The following INTS4 variants were observed in gnomAD, a reference collection of about 807,000 sequenced individuals.
INTS4 encodes the protein integrator complex subunit 4, also known as MSTP093.
In INTS4, 70 loss-of-function variants were observed where a neutral mutation model predicts 119.5. The observed-to-expected ratio is 0.59, with a 90% CI of 0.48 to 0.71. The LOEUF (loss-of-function observed/expected upper bound fraction) is 0.71, where lower values mean the gene tolerates loss of function less well. INTS4 is among the 30% of genes least tolerant of loss of function. INTS4 has a pLI of 0.00. For synonymous variants in INTS4, 316 were observed against 419.6 expected (o/e 0.75, Z 3.02); for missense variants, 867 against 1,173.2 (o/e 0.74, Z 3.81).
intron 21 of INTS4, among the ~76,000 whole-genome samples, chr11:77,886,859 A>G (rs1451436325): frequency 6.6e-6 from 1 of 152,196 alleles, no homozygotes; most frequent in Non-Finnish European, 1.5e-5. Flanking sequence ...CTGGGTACAT[A>G]ACGAAATGAA....
intron 15 of INTS4, among the ~76,000 whole-genome samples, chr11:77,917,854 T>TA (rs1477424091): frequency 1.3e-5 from 2 of 151,818 alleles, no homozygotes; most frequent in Non-Finnish European, 2.9e-5. Flanking sequence ...TCCTGAGTAT[T>TA]AGAGTCATCG....
intron 10 of INTS4, 74 bp downstream of exon 10, chr11:77,938,577 G>GT (rs1953856369): frequency 6.5e-7 from 1 of 1,547,108 alleles, no homozygotes; most frequent in South Asian, 1.3e-5. Context: ...CGATACATGT[G>GT]TATCACCCAG....
chr11:77,965,341 T>C (rs1380496804), intron 4 of INTS4, among the ~76,000 whole-genome samples: 2 of 152,188 alleles, frequency 1.3e-5, no homozygotes, highest in Non-Finnish European at 2.9e-5. Flanking sequence ...TATGAGCCAC[T>C]GCACCTCCCT....
intron 12 of INTS4, among the ~76,000 whole-genome samples, chr11:77,923,315 C>CAAAAA (rs35475320): frequency 3.4e-5 from 3 of 87,970 alleles, no homozygotes; most frequent in Non-Finnish European, 4.4e-5. Context: ...GACTCTGTCT[C>CAAAAA]AAAAAAAAAA....
chr11:77,967,515 G>A (rs1168140836), intron 4 of INTS4, among the ~76,000 whole-genome samples: 3 of 152,160 alleles, frequency 2.0e-5, no homozygotes, highest in Admixed American at 6.5e-5. Context: ...TCCCGTAAGT[G>A]AACTGTTGGA....
intron 15 of INTS4, among the ~76,000 whole-genome samples, chr11:77,908,989 T>C (rs1015710987): frequency 6.6e-6 from 1 of 152,210 alleles, no homozygotes; most frequent in African/African-American, 2.4e-5. Flanking sequence ...ACTAAGCCAA[T>C]TAGTGCACAT....
At chr11:77,986,405 C>A (rs547310948) in intron 2 of INTS4, among the ~76,000 whole-genome samples, 1 of 152,266 alleles carries the variant, frequency 6.6e-6, no homozygotes, top group East Asian at 1.9e-4. Flanking sequence ...TAAATTAGTT[C>A]AACCATTGTG....
intron 22 of INTS4, among the ~76,000 whole-genome samples, chr11:77,882,139 C>T (rs1421858920): frequency 6.6e-6 from 1 of 152,158 alleles, no homozygotes; most frequent in Non-Finnish European, 1.5e-5. Flanking sequence ...TGGTCTCAGA[C>T]TCTTGGGCTC....
chr11:77,898,367 T>C, intron 18 of INTS4, among the ~76,000 whole-genome samples: 1 of 152,160 alleles, frequency 6.6e-6, no homozygotes, highest in East Asian at 1.9e-4. Context: ...TTTCACCATC[T>C]TGGCCAGGCT....
intron 4 of INTS4, among the ~76,000 whole-genome samples, chr11:77,974,239 T>C (rs1222148077): frequency 3.1e-5 from 1 of 32,096 alleles, no homozygotes; most frequent in African/African-American, 1.4e-4. Context: ...TTTTCTTTTC[T>C]TTTTTTTTTT....
intron 8 of INTS4, among the ~76,000 whole-genome samples, chr11:77,945,871 A>T (rs1163741305): frequency 3.3e-5 from 5 of 152,196 alleles, no homozygotes; most frequent in African/African-American, 1.2e-4. Flanking sequence ...GTCCTGTGGT[A>T]GCCCTGGCCC....
intron 5 of INTS4, 82 bp from the exon 6 acceptor site, chr11:77,960,473 C>T: frequency 9.3e-7 from 1 of 1,072,468 alleles, no homozygotes; most frequent in African/African-American, 1.6e-5. Flanking sequence ...CACATATTTT[C>T]CCCTATTGTA....
Position 77,910,448 on chromosome 11 carries a change from TGGGGGAG to T in INTS4, c.1923-2645_1923-2639del, listed in dbSNP as rs1953064773. ...TCACACCCCGGGGCCTGTTGTGGGG[TGGGGGAG>T]GGGGGAGGGATAGCATTAGGAGATA... On this transcript the variant is annotated intron_variant, in intron 15 of 22. Coordinates refer to ENST00000534064, the MANE Select transcript of INTS4 (RefSeq NM_033547.4). Among the ~76,000 whole-genome samples, 3 of 37,220 alleles carry T rather than the reference TGGGGGAG, an allele frequency of 8.1e-5. No individual in the cohort carries two copies. In the South Asian group the frequency reaches 3.0e-3, roughly 38 times the overall value. 24.4% of individuals were successfully genotyped at this position (37,220 alleles called of 152,430 possible).
At chr11:77,877,745 T>C (rs953645727), downstream of INTS4, among the ~76,000 whole-genome samples, 4 of 148,400 alleles carry the variant, frequency 2.7e-5, no homozygotes, top group Non-Finnish European at 5.9e-5. Flanking sequence ...ATATCACACT[T>C]GCAATTTTTT....
downstream of INTS4, among the ~76,000 whole-genome samples, chr11:77,877,645 C>G (rs571504201): frequency 6.6e-6 from 1 of 152,290 alleles, no homozygotes; most frequent in African/African-American, 2.4e-5. Flanking sequence ...ACAGTAATAG[C>G]CTCATTTGGC....
At chr11:77,956,162 A>G (rs1442377082) in intron 7 of INTS4, 100 bp from the exon 8 acceptor site, 1 of 1,378,734 alleles carries the variant, frequency 7.3e-7, no homozygotes, top group East Asian at 2.4e-5. Context: ...TAATCCCAAC[A>G]CTTTGGGAGG....
intron 16 of INTS4, 128 bp from the exon 17 acceptor site, chr11:77,903,748 T>A: frequency 1.5e-6 from 1 of 671,324 alleles, no homozygotes; most frequent in East Asian, 2.7e-5. Flanking sequence ...ATCTTATTCT[T>A]TTAACCCAAT....
intron 7 of INTS4, among the ~76,000 whole-genome samples, chr11:77,956,710 AAAT>A (rs199933134): frequency 0.036 from 3,471 of 97,638 alleles, 192 homozygotes; most frequent in South Asian, 0.072. Context: ...CCATCTCAAA[AAAT>A]AATAATAATA....
At chr11:77,947,370 C>T (rs1565264520) in intron 8 of INTS4, among the ~76,000 whole-genome samples, 2 of 152,272 alleles carry the variant, frequency 1.3e-5, no homozygotes, top group East Asian at 1.9e-4. Context: ...ATCAAACTAT[C>T]GAAAGTCAAA....
Sources: gnomAD v4.1 joint callset for allele counts (sites outside exome capture counted in the v4.1 genomes callset) on GRCh38, gnomAD v4.1.1 for gene constraint, MANE v1.5 for transcripts, NCBI Gene and HGNC (gene_info 2026-07-23, HGNC 2026-07-21) for gene names.